The following GALNT13 variants were observed in gnomAD, a reference collection of about 807,000 sequenced individuals.
GALNT13 encodes polypeptide N-acetylgalactosaminyltransferase 13, also known as UDP-GalNAc:polypeptide N-acetylgalactosaminyltransferase 13.
A neutral mutation model predicts 64.2 loss-of-function variants in GALNT13; 28 were observed. The observed-to-expected ratio is 0.44, with a 90% CI of 0.32 to 0.60. GALNT13 has a LOEUF of 0.60. Ranked by LOEUF, GALNT13 falls within the 20% of genes least tolerant of loss-of-function variation. The probability of loss-of-function intolerance (pLI) is 0.05; values close to 1 mark genes in which losing one functional copy is unlikely to be tolerated. For synonymous variants in GALNT13, 214 were observed against 224.6 expected, an observed-to-expected ratio of 0.95 and a Z score of 0.42; for missense variants, 577 against 669.8, an observed-to-expected ratio of 0.86 and a Z score of 1.53.
At chr2:154,340,286 C>T (rs1055520667) in intron 9 of GALNT13, among the ~76,000 whole-genome samples, 2 of 152,066 alleles carry the variant, frequency 1.3e-5, no homozygotes, top group African/African-American at 4.8e-5. Flanking sequence ...GACAAGATCT[C>T]ACTATGTTAC....
intron 3 of GALNT13, among the ~76,000 whole-genome samples, chr2:154,113,237 G>A (rs913394132): frequency 6.6e-6 from 1 of 152,170 alleles, no homozygotes; most frequent in African/African-American, 2.4e-5. Flanking sequence ...GCCTGCAAAG[G>A]CTCCAGTAAG....
chr2:153,590,568 T>C, the GALNT13 span, among the ~76,000 whole-genome samples: 2 of 152,202 alleles, frequency 1.3e-5, no homozygotes, highest in Admixed American at 6.5e-5. Context: ...TGAACCTATA[T>C]GCAAACATTC....
chr2:153,753,838 C>T, the GALNT13 span, among the ~76,000 whole-genome samples: 2 of 152,172 alleles, frequency 1.3e-5, no homozygotes, highest in African/African-American at 4.8e-5. Flanking sequence ...TTAGAGGTGT[C>T]ATCCAGTAGT....
At chr2:154,214,174 T>A (rs1253140044) in intron 4 of GALNT13, among the ~76,000 whole-genome samples, 1 of 152,182 alleles carries the variant, frequency 6.6e-6, no homozygotes, top group African/African-American at 2.4e-5. Context: ...CATTGTCTGC[T>A]CACTAACACG....
chr2:153,820,540 C>G, the GALNT13 span, among the ~76,000 whole-genome samples: 1 of 152,080 alleles, frequency 6.6e-6, no homozygotes, highest in Non-Finnish European at 1.5e-5. Flanking sequence ...TCAGCAGAAA[C>G]CTTACAAAAC....
At chr2:154,190,039 CCTT>C (rs1175140544) in intron 4 of GALNT13, among the ~76,000 whole-genome samples, 1 of 152,094 alleles carries the variant, frequency 6.6e-6, no homozygotes, top group African/African-American at 2.4e-5. Flanking sequence ...TATTTGGTGT[CCTT>C]CTTGTGTGTG....
At chr2:153,550,996 G>A in the GALNT13 span, among the ~76,000 whole-genome samples, 1 of 152,082 alleles carries the variant, frequency 6.6e-6, no homozygotes, top group African/African-American at 2.4e-5. Flanking sequence ...GGCTAGAGAG[G>A]GCTCTTGGGT....
chr2:154,258,493 TA>T (rs11338949), intron 7 of GALNT13, among the ~76,000 whole-genome samples: 113,163 of 151,714 alleles, frequency 0.75, 42,403 homozygotes, highest in East Asian at 0.86. Context: ...GCCCTTATGT[TA>T]AAAAAAATAC....
intron 2 of GALNT13, among the ~76,000 whole-genome samples, chr2:153,944,193 G>C (rs1242743582): frequency 6.6e-6 from 1 of 152,160 alleles, no homozygotes; most frequent in African/African-American, 2.4e-5. Flanking sequence ...AGTAGTGGCA[G>C]ATCTAGTATT....
intron 11 of GALNT13, among the ~76,000 whole-genome samples, chr2:154,426,105 A>C (rs548438130): frequency 1.4e-4 from 21 of 152,250 alleles, no homozygotes; most frequent in African/African-American, 5.1e-4. Flanking sequence ...TGTTGGCCAG[A>C]GCTGTGATCT....
At chr2:154,053,451 T>G (rs1394958907) in intron 3 of GALNT13, among the ~76,000 whole-genome samples, 2 of 152,158 alleles carry the variant, frequency 1.3e-5, no homozygotes, top group African/African-American at 2.4e-5. Flanking sequence ...TGAATGACTT[T>G]TAACATTTTA....
At chr2:153,120,633 A>G in the GALNT13 span, among the ~76,000 whole-genome samples, 2 of 152,232 alleles carry the variant, frequency 1.3e-5, no homozygotes, top group South Asian at 2.1e-4. Flanking sequence ...TTACTGCCTC[A>G]TGTGTGTCTA....
chr2:153,932,429 C>T (rs1177109091), intron 2 of GALNT13, among the ~76,000 whole-genome samples: 1 of 151,718 alleles, frequency 6.6e-6, no homozygotes, highest in African/African-American at 2.4e-5. Flanking sequence ...TATAGACTTT[C>T]TTCTTAATAC....
intron 3 of GALNT13, among the ~76,000 whole-genome samples, chr2:153,951,342 A>T (rs886570874): frequency 6.6e-6 from 1 of 152,188 alleles, no homozygotes; most frequent in Non-Finnish European, 1.5e-5. Context: ...TGCTGTGGAT[A>T]CAATGTAGAG....
intron 3 of GALNT13, among the ~76,000 whole-genome samples, chr2:153,949,647 G>T (rs949479626): frequency 7.2e-5 from 11 of 151,966 alleles, no homozygotes; most frequent in African/African-American, 2.4e-4. Context: ...GAAAGCCCAG[G>T]ATACTTGTAA....
At chr2:153,156,634 A>G in the GALNT13 span, among the ~76,000 whole-genome samples, 1 of 152,192 alleles carries the variant, frequency 6.6e-6, no homozygotes, top group African/African-American at 2.4e-5. Context: ...TGATAACTCA[A>G]TGTTAAAATA....
the GALNT13 span, among the ~76,000 whole-genome samples, chr2:153,327,324 T>C: frequency 3.3e-5 from 5 of 152,130 alleles, no homozygotes; most frequent in Admixed American, 6.5e-5. Context: ...GTTCTCTGTA[T>C]TTCCCAAATT....
the GALNT13 span, among the ~76,000 whole-genome samples, chr2:153,222,286 C>A: frequency 5.6e-3 from 397 of 70,746 alleles, 1 homozygote; most frequent in Admixed American, 0.013. Flanking sequence ...CAGGTTTTCC[C>A]GACTTCTGTA....
the GALNT13 span, among the ~76,000 whole-genome samples, chr2:153,293,476 G>A: frequency 1.3e-5 from 2 of 152,062 alleles, no homozygotes; most frequent in African/African-American, 4.8e-5. Context: ...GGATGCAGGT[G>A]GCCTCTGCAC....
Sources: allele counts gnomAD v4.1 joint callset (sites outside exome capture counted in the v4.1 genomes callset), GRCh38; gene constraint gnomAD v4.1.1; transcripts MANE v1.5; gene names NCBI Gene and HGNC (gene_info 2026-07-23, HGNC 2026-07-21).